The following AUTS2 variants were observed in gnomAD, a reference collection of about 807,000 sequenced individuals.
The protein encoded by AUTS2 is activator of transcription and developmental regulator AUTS2.
AUTS2 carries 17 observed loss-of-function variants against 112.4 expected under a neutral mutation model. That is an observed-to-expected ratio of 0.15 (90% confidence interval 0.10 to 0.23). The LOEUF is 0.23. Among genes scored for constraint, AUTS2 ranks in the 10% least tolerant of loss-of-function variants. AUTS2 has a pLI of 1.00. For missense variants in AUTS2, 1,510 were observed against 1,701.6 expected (o/e 0.89, Z 1.98); for synonymous variants, 751 against 702.7 (o/e 1.07, Z -1.09).
At chr7:70,566,575 G>T (rs1183165119) in intron 5 of AUTS2, among the ~76,000 whole-genome samples, 1 of 152,088 alleles carries the variant, frequency 6.6e-6, no homozygotes, top group African/African-American at 2.4e-5. Flanking sequence ...TTTAATCTGT[G>T]GTTCAGGTCT....
At chr7:70,470,565 G>A (rs543434099) in intron 5 of AUTS2, among the ~76,000 whole-genome samples, 8 of 152,256 alleles carry the variant, frequency 5.3e-5, no homozygotes, top group African/African-American at 1.4e-4. Flanking sequence ...CTGGGCCCAC[G>A]CAGCATCTGG....
chr7:70,532,289 G>A (rs1343407432), intron 5 of AUTS2, among the ~76,000 whole-genome samples: 1 of 152,172 alleles, frequency 6.6e-6, no homozygotes, highest in Non-Finnish European at 1.5e-5. Flanking sequence ...ATACAGGGAG[G>A]CATGACCAAA....
intron 5 of AUTS2, among the ~76,000 whole-genome samples, chr7:70,549,496 G>A (rs911558710): frequency 9.2e-5 from 14 of 152,182 alleles, no homozygotes; most frequent in African/African-American, 3.4e-4. Context: ...CAGAGGCAAA[G>A]GGAAGAATGG....
At chr7:70,753,394 T>C (rs938367426) in intron 6 of AUTS2, among the ~76,000 whole-genome samples, 6 of 152,188 alleles carry the variant, frequency 3.9e-5, no homozygotes, top group Non-Finnish European at 7.3e-5. Flanking sequence ...AAGCACAAAA[T>C]AGAATCTCTT....
At chr7:70,162,144 A>T (rs946631976) in intron 4 of AUTS2, among the ~76,000 whole-genome samples, 6 of 152,192 alleles carry the variant, frequency 3.9e-5, no homozygotes, top group Non-Finnish European at 7.3e-5. Flanking sequence ...TATTCTGGAT[A>T]GATTTAAGAA....
intron 5 of AUTS2, among the ~76,000 whole-genome samples, chr7:70,527,084 C>T (rs1799872694): frequency 1.3e-5 from 2 of 152,210 alleles, no homozygotes; most frequent in Admixed American, 1.3e-4. Flanking sequence ...TCCTGGGGTT[C>T]ACCCTTTGCT....
chr7:69,807,940 C>CTT lies in AUTS2; in HGVS notation c.310-91326_310-91325dup, dbSNP rs34491458. On this transcript the variant is annotated intron_variant, in intron 1 of 18. Transcript: ENST00000342771. ...CAAGGGGAGGAGAATTAGGCCCAAG[C>CTT]TTTTTTTTTTTTTTTTTTTTTGAAA... 9.1e-3 allele frequency among the ~76,000 whole-genome samples: 1,091 copies of CTT among 120,346 alleles called. 11 individuals carry two copies. Among genetic ancestry groups the CTT allele is most frequent in the South Asian group, 0.015 (52 of 3,520 alleles). 79.0% of individuals were successfully genotyped at this position (120,346 alleles called of 152,430 possible).
chr7:69,625,952 C>G (rs1277306258), intron 1 of AUTS2, among the ~76,000 whole-genome samples: 2 of 152,128 alleles, frequency 1.3e-5, no homozygotes, highest in African/African-American at 4.8e-5. Context: ...AGAGAAGACT[C>G]TATGAACATT....
chr7:69,620,709 C>A (rs573682847), intron 1 of AUTS2, among the ~76,000 whole-genome samples: 1 of 152,250 alleles, frequency 6.6e-6, no homozygotes, highest in African/African-American at 2.4e-5. Context: ...CTTTTGATTC[C>A]TAAAGTAGAT....
At chr7:70,084,358 C>G (rs1803481954) in intron 2 of AUTS2, among the ~76,000 whole-genome samples, 1 of 152,238 alleles carries the variant, frequency 6.6e-6, no homozygotes, top group South Asian at 2.1e-4. Flanking sequence ...CAGCTATGAA[C>G]ATTTATGTAA....
At chr7:70,501,565 C>A (rs553366258) in intron 5 of AUTS2, among the ~76,000 whole-genome samples, 245 of 152,258 alleles carry the variant, frequency 1.6e-3, no homozygotes, top group Middle Eastern at 3.4e-3. Flanking sequence ...TACCCTCAGG[C>A]CCTTTCACCA....
At chr7:69,661,399 GT>G (rs1186013649) in intron 1 of AUTS2, among the ~76,000 whole-genome samples, 3 of 152,210 alleles carry the variant, frequency 2.0e-5, no homozygotes. Context: ...GACCAAGGTG[GT>G]TGGGGGAGGT....
intron 4 of AUTS2, among the ~76,000 whole-genome samples, chr7:70,141,560 T>C (rs757923175): frequency 1.6e-4 from 24 of 152,324 alleles, no homozygotes; most frequent in Non-Finnish European, 2.6e-4. Context: ...GGTGAAACAT[T>C]GTCACATTTT....
chr7:70,709,704 T>G (rs966717011), intron 6 of AUTS2, among the ~76,000 whole-genome samples: 1 of 152,138 alleles, frequency 6.6e-6, no homozygotes, highest in East Asian at 1.9e-4. Context: ...AGAGCAAGAT[T>G]CTGTCTGGAA....
intron 2 of AUTS2, among the ~76,000 whole-genome samples, chr7:69,932,950 C>G (rs919831806): frequency 2.0e-5 from 3 of 152,090 alleles, no homozygotes; most frequent in Admixed American, 1.3e-4. Context: ...AGGATAAATA[C>G]AAGAAGAATT....
chr7:69,960,710 C>A (rs958545112), intron 2 of AUTS2, among the ~76,000 whole-genome samples: 1 of 152,070 alleles, frequency 6.6e-6, no homozygotes, highest in Non-Finnish European at 1.5e-5. Context: ...TCACCATTTC[C>A]GTTATCTTAT....
At chr7:70,196,129 G>A (rs971768224) in intron 4 of AUTS2, among the ~76,000 whole-genome samples, 2 of 152,196 alleles carry the variant, frequency 1.3e-5, no homozygotes, top group Non-Finnish European at 2.9e-5. Flanking sequence ...AGTGAGAGAA[G>A]AGGTCTGATC....
chr7:70,546,853 C>T (rs926312565), intron 5 of AUTS2, among the ~76,000 whole-genome samples: 3 of 152,000 alleles, frequency 2.0e-5, no homozygotes, highest in African/African-American at 2.4e-5. Context: ...AATCCAAAGA[C>T]GTCTTATGTG....
intron 5 of AUTS2, among the ~76,000 whole-genome samples, chr7:70,554,099 G>A (rs35900905): frequency 0.25 from 30,126 of 118,180 alleles, 3,617 homozygotes; most frequent in Middle Eastern, 0.41. Context: ...ACGGAGTTTC[G>A]CTCTTGTCGC....
Sources: gnomAD v4.1 joint callset for allele counts (sites outside exome capture counted in the v4.1 genomes callset) on GRCh38, gnomAD v4.1.1 for gene constraint, MANE v1.5 for transcripts, NCBI Gene and HGNC (gene_info 2026-07-23, HGNC 2026-07-21) for gene names.